The following PRUNE1 variants were observed in gnomAD, a reference collection of about 807,000 sequenced individuals.
PRUNE1 encodes the protein exopolyphosphatase PRUNE1.
Under a neutral mutation model 42.5 loss-of-function variants are expected in PRUNE1, and 25 were observed. That is an observed-to-expected ratio of 0.59 (90% CI 0.43 to 0.82). PRUNE1 has a LOEUF of 0.82. Ranked by LOEUF, PRUNE1 falls within the 40% of genes least tolerant of loss-of-function variation. The pLI is 0.00. For synonymous variants in PRUNE1, 203 were observed against 217.1 expected (o/e 0.93, Z 0.57); for missense variants, 443 against 539.3 (o/e 0.82, Z 1.77).
At chr1:151,014,042 C>T (rs1558073946) in intron 1 of PRUNE1, among the ~76,000 whole-genome samples, 1 of 151,552 alleles carries the variant, frequency 6.6e-6, no homozygotes, top group Non-Finnish European at 1.5e-5. Flanking sequence ...TGCAGTGGCA[C>T]GATCTTGGCT....
intron 1 of PRUNE1, among the ~76,000 whole-genome samples, chr1:151,009,546 G>A (rs191140412): frequency 6.6e-6 from 1 of 152,116 alleles, no homozygotes; most frequent in Admixed American, 6.5e-5. Flanking sequence ...GAGGTCACCC[G>A]GCCCCTCTAC....
chr1:151,008,874 G>A (rs1673546160), intron 1 of PRUNE1: 2 of 731,630 alleles, frequency 2.7e-6, no homozygotes, highest in Non-Finnish European at 4.8e-6. Context: ...TGCTTGTTCA[G>A]TCTCCCGGTT....
At chr1:151,015,882 A>G (rs1343930220) in intron 1 of PRUNE1, among the ~76,000 whole-genome samples, 1 of 152,102 alleles carries the variant, frequency 6.6e-6, no homozygotes, top group African/African-American at 2.4e-5. Flanking sequence ...ACCCTGCTAT[A>G]TTTAGTGTGT....
chr1:151,026,205 C>T (rs1335504334), intron 5 of PRUNE1, among the ~76,000 whole-genome samples: 2 of 151,448 alleles, frequency 1.3e-5, no homozygotes, highest in East Asian at 2.0e-4. Flanking sequence ...GCCTGTAATC[C>T]CAACACTTTG....
chr1:151,019,067 A>C lies in PRUNE1; in HGVS notation c.335+398A>C, dbSNP rs587619396. On this transcript the variant is annotated intron_variant, in intron 3 of 7. Transcript: ENST00000271620. ...CAAAAAAGAAAGAGTTTTTGCTTTCAGGGATCTCATAGGCTAATCATAATT... is the reference window on the plus strand; with the variant it reads ...CAAAAAAGAAAGAGTTTTTGCTTTCCGGGATCTCATAGGCTAATCATAATT... Among the ~76,000 whole-genome samples, 3 of 152,318 alleles carry C rather than the reference A, an allele frequency of 2.0e-5. No individual in the cohort carries two copies. In the East Asian group the frequency reaches 5.8e-4, roughly 29 times the overall value.
chr1:151,015,195 G>A (rs1238783415), intron 1 of PRUNE1, among the ~76,000 whole-genome samples: 1 of 151,666 alleles, frequency 6.6e-6, no homozygotes, highest in Non-Finnish European at 1.5e-5. Context: ...TGGGTGTGGT[G>A]GCGCACGCCT....
rs587652000 is a variant in PRUNE1 at position 151,034,609 on chromosome 1, C to G, written c.*375C>G. On this transcript the variant is annotated 3_prime_UTR_variant, in exon 8 of 8. Transcript: ENST00000271620. Reference sequence around the variant, plus strand: ...AGTATCTGTCATGGAACTGAACATTCATCGATGGTCTCCATGTATTCATTT... The same window carrying G: ...AGTATCTGTCATGGAACTGAACATTGATCGATGGTCTCCATGTATTCATTT... 1 of 198,130 alleles carries G rather than the reference C, an allele frequency of 5.0e-6. No homozygotes were observed. Among genetic ancestry groups the G allele is most frequent in the East Asian group, 1.1e-4 (1 of 9,084 alleles). The allele number at this position is 198,130 out of a possible 1,614,324, so 12.3% of individuals were successfully genotyped here. A position where few individuals can be genotyped will look rare whatever the true frequency, so the allele number is the denominator to read the frequency against.
rs751939144 is a variant in PRUNE1, at chr1:151,025,480, C to T, written c.521-35C>T. On this transcript the variant is annotated intron_variant, in intron 4 of 7. Coordinates refer to ENST00000271620, the MANE Select transcript of PRUNE1 (RefSeq NM_021222.3). ...TCTGGTGGTTGTGTGTGAAGGGTCA[C>T]AGGATTCAAGTTCCACCATCTCCCT... is the stretch of plus-strand genomic sequence containing the variant. The T allele has an allele frequency of 1.4e-5, 23 of 1,601,572 alleles. No individual in the cohort carries two copies. In the South Asian group the frequency reaches 2.3e-4, roughly 16 times the overall value.
intron 3 of PRUNE1, among the ~76,000 whole-genome samples, chr1:151,024,058 G>A (rs1674657629): frequency 6.6e-6 from 1 of 151,610 alleles, no homozygotes; most frequent in African/African-American, 2.4e-5. Context: ...TTGGTGGCAC[G>A]TGCCTTGTAA....
chr1:151,012,811 A>C (rs587753359), intron 1 of PRUNE1, among the ~76,000 whole-genome samples: 2 of 152,122 alleles, frequency 1.3e-5, no homozygotes, highest in South Asian at 4.2e-4. Context: ...TCACACTGTC[A>C]CCCAGGCTGG....
At chr1:151,025,430 C>T in intron 4 of PRUNE1, 85 bp from the exon 5 acceptor site, 1 of 1,323,288 alleles carries the variant, frequency 7.6e-7, no homozygotes, top group East Asian at 2.4e-5. Flanking sequence ...TGTGTGTGTC[C>T]ATTTGGTGTG....
chr1:151,009,472 G>A (rs1227258397), intron 1 of PRUNE1, among the ~76,000 whole-genome samples: 2 of 152,108 alleles, frequency 1.3e-5, no homozygotes, highest in Non-Finnish European at 2.9e-5. Flanking sequence ...ATGCTGAGCC[G>A]TCATGAGGCA....
In PRUNE1 at chr1:151,034,523, C is replaced by T. The variant is rs954422817; in HGVS notation, c.*289C>T. The T allele has an allele frequency of 2.8e-6, 1 of 362,030 alleles. No individual in the cohort carries two copies. The highest frequency in any genetic ancestry group is 5.1e-6 in the Non-Finnish European group (1 of 195,362). The allele number at this position is 362,030 out of a possible 1,614,324, so 22.4% of individuals were successfully genotyped here. On this transcript the variant is annotated 3_prime_UTR_variant, in exon 8 of 8. Transcript: ENST00000271620. ...ATGTGACATATCTGCAGTCCCAGCA[C>T]AGTGGGACAAAAAGAATTTAGACCC...
Position 151,017,819 on chromosome 1 carries a change from G to T in PRUNE1, c.47G>T (p.Arg16Leu). 1 of 1,586,886 alleles carries T rather than the reference G, an allele frequency of 6.3e-7. No individual in the cohort carries two copies. Among genetic ancestry groups the T allele is most frequent in the Non-Finnish European group, 8.6e-7 (1 of 1,156,130 alleles). Residue 16 changes from arginine to leucine, a missense_variant, in exon 2 of 8, where the codon CGA becomes CTA. Arg to Leu is a moderately radical substitution (Grantham distance 102, BLOSUM62 -2). Transcript: ENST00000271620. ...QGCRAALQESRPLHVVLGNEA... is the reference protein window; with the variant it reads ...QGCRAALQESLPLHVVLGNEA... ...ATTTTCCTTTCTCTCCAGGAGTCCCGACCTCTACATGTTGTGCTGGGAAAT... is the reference window on the plus strand; with the variant it reads ...ATTTTCCTTTCTCTCCAGGAGTCCCTACCTCTACATGTTGTGCTGGGAAAT...
chr1:151,030,631 G>T (rs750077912), intron 7 of PRUNE1, among the ~76,000 whole-genome samples: 65 of 152,012 alleles, frequency 4.3e-4, no homozygotes, highest in Admixed American at 1.3e-3. Flanking sequence ...GACTACAGGC[G>T]CCTGCCACCA....
rs1675439183 is a variant in PRUNE1, at chr1:151,034,442, G to A, written c.*208G>A. 1.8e-6 allele frequency: 1 copy of A among 560,020 alleles called. No individual in the cohort carries two copies. The highest frequency in any genetic ancestry group is 3.0e-5 in the East Asian group (1 of 33,550). The allele number at this position is 560,020 out of a possible 1,614,324, so 34.7% of individuals were successfully genotyped here. ...TTTTCCCCCTAATCTCTACCAATCA[G>A]ACACATTTTATTATTTAAATCTGCA... On this transcript the variant is annotated 3_prime_UTR_variant, in exon 8 of 8. Coordinates refer to ENST00000271620, the MANE Select transcript of PRUNE1 (RefSeq NM_021222.3).
At chr1:151,015,484 A>T (rs1440570351) in intron 1 of PRUNE1, among the ~76,000 whole-genome samples, 1 of 151,750 alleles carries the variant, frequency 6.6e-6, no homozygotes, top group African/African-American at 2.4e-5. Context: ...AAATACAAAA[A>T]TTAGCCGAGC....
intron 1 of PRUNE1, chr1:151,008,963 G>A (rs1264872223): frequency 1.4e-5 from 8 of 577,810 alleles, no homozygotes; most frequent in Non-Finnish European, 2.6e-5. Context: ...GCCTCTGCTT[G>A]CTGTCATCTT....
chr1:151,029,862 G>A (rs587754596), intron 7 of PRUNE1, among the ~76,000 whole-genome samples: 1 of 152,224 alleles, frequency 6.6e-6, no homozygotes, highest in African/African-American at 2.4e-5. Flanking sequence ...ATTCTGTATA[G>A]TGCAAACTCT....
Sources: allele counts gnomAD v4.1 joint callset (sites outside exome capture counted in the v4.1 genomes callset), GRCh38; gene constraint gnomAD v4.1.1; transcripts MANE v1.5; gene names NCBI Gene and HGNC (gene_info 2026-07-23, HGNC 2026-07-21).